NPAS3: variants seen among roughly 807,000 people sequenced by gnomAD.
NPAS3 encodes the protein neuronal PAS domain-containing protein 3.
NPAS3 carries 14 observed loss-of-function variants against 73.1 expected under a neutral mutation model. The observed-to-expected ratio is 0.19, with a 90% CI of 0.13 to 0.30. The LOEUF is 0.30. NPAS3 is among the 10% of genes least tolerant of loss of function. The pLI, the probability that NPAS3 is intolerant of heterozygous loss-of-function variation, is 1.00. For missense variants in NPAS3, 1,096 were observed against 1,250.0 expected (o/e 0.88, Z 1.86); for synonymous variants, 620 against 541.5 (o/e 1.14, Z -2.01).
At chr14:33,074,177 G>A (rs2041579771) in intron 2 of NPAS3, among the ~76,000 whole-genome samples, 1 of 152,150 alleles carries the variant, frequency 6.6e-6, no homozygotes, top group Admixed American at 6.5e-5. Context: ...GCTGGAATAG[G>A]CAGCCAGAAA....
chr14:33,235,595 C>T (rs1263907584), intron 3 of NPAS3, among the ~76,000 whole-genome samples: 8 of 151,978 alleles, frequency 5.3e-5, no homozygotes, highest in Middle Eastern at 3.4e-3. Context: ...TATACAGGTG[C>T]ACATATATAC....
intron 3 of NPAS3, among the ~76,000 whole-genome samples, chr14:33,232,077 G>A (rs1013806221): frequency 6.6e-6 from 1 of 152,060 alleles, no homozygotes; most frequent in Non-Finnish European, 1.5e-5. Context: ...GCACATTCTA[G>A]CCAGAACCCC....
At chr14:33,680,146 C>T (rs1331267529) in intron 6 of NPAS3, among the ~76,000 whole-genome samples, 3 of 152,134 alleles carry the variant, frequency 2.0e-5, no homozygotes, top group Non-Finnish European at 4.4e-5. Flanking sequence ...TTCATTATTA[C>T]TCTTAATGAT....
chr14:33,780,552 A>G (rs1419293190), intron 9 of NPAS3: 8 of 426,586 alleles, frequency 1.9e-5, no homozygotes, highest in East Asian at 7.0e-5. Flanking sequence ...GCTGACAAAA[A>G]AAAAAGAACT....
At chr14:33,333,422 A>G (rs909830974) in intron 3 of NPAS3, among the ~76,000 whole-genome samples, 3 of 152,168 alleles carry the variant, frequency 2.0e-5, no homozygotes, top group Non-Finnish European at 4.4e-5. Flanking sequence ...ACTTTTACCT[A>G]TATTGTTATA....
intron 5 of NPAS3, among the ~76,000 whole-genome samples, chr14:33,600,337 GCT>G (rs2057363894): frequency 6.6e-6 from 1 of 152,172 alleles, no homozygotes. Flanking sequence ...CTGTAAGTCT[GCT>G]TAGAATCTGA....
At chr14:32,990,491 A>G (rs974528904) in intron 1 of NPAS3, among the ~76,000 whole-genome samples, 3 of 152,208 alleles carry the variant, frequency 2.0e-5, no homozygotes, top group Non-Finnish European at 2.9e-5. Context: ...TGCTACCATT[A>G]TTCCTCCTTC....
intron 7 of NPAS3, among the ~76,000 whole-genome samples, chr14:33,766,633 A>C (rs368428159): frequency 4.0e-5 from 6 of 151,452 alleles, no homozygotes; most frequent in Middle Eastern, 3.4e-3. Flanking sequence ...TAAGTGCTGA[A>C]TCTTACTCCC....
chr14:33,665,102 C>T lies in NPAS3; in HGVS notation c.559-11109C>T, dbSNP rs146899065. On this transcript the variant is annotated intron_variant, in intron 5 of 11. Transcript: ENST00000356141. Reference sequence around the variant, plus strand: ...GTTCACAATAGCAAAGACTTGGAACCATCCCAGATGCCCATCGATGATAGG... The same window carrying T: ...GTTCACAATAGCAAAGACTTGGAACTATCCCAGATGCCCATCGATGATAGG... 3.2e-3 allele frequency among the ~76,000 whole-genome samples: 489 copies of T among 152,338 alleles called. 4 individuals carry two copies. The highest frequency in any genetic ancestry group is 0.011 in the African/African-American group (475 of 41,574).
At chr14:33,296,732 A>G (rs1467251676) in intron 3 of NPAS3, among the ~76,000 whole-genome samples, 1 of 152,220 alleles carries the variant, frequency 6.6e-6, no homozygotes, top group Non-Finnish European at 1.5e-5. Flanking sequence ...TGGTTCACGT[A>G]GAAGCAGAAG....
intron 3 of NPAS3, among the ~76,000 whole-genome samples, chr14:33,236,615 G>T (rs1020627492): frequency 6.6e-6 from 1 of 152,098 alleles, no homozygotes. Flanking sequence ...GGATGTTAGT[G>T]CATTTTCTCA....
intron 2 of NPAS3, among the ~76,000 whole-genome samples, chr14:33,197,743 T>C (rs2046425631): frequency 6.6e-6 from 1 of 152,210 alleles, no homozygotes; most frequent in Non-Finnish European, 1.5e-5. Flanking sequence ...ATTTAACATT[T>C]CACCTTAAGT....
intron 6 of NPAS3, among the ~76,000 whole-genome samples, chr14:33,701,528 T>C (rs1271933127): frequency 6.6e-6 from 1 of 152,332 alleles, no homozygotes; most frequent in African/African-American, 2.4e-5. Flanking sequence ...TTCAGTAGAA[T>C]CCTTCATTAG....
chr14:32,999,722 G>A (rs1285470171), intron 1 of NPAS3, among the ~76,000 whole-genome samples: 1 of 151,930 alleles, frequency 6.6e-6, no homozygotes, highest in East Asian at 1.9e-4. Context: ...ATATAGCCCG[G>A]GGAAAAATCT....
At chr14:32,956,729 A>G (rs1396253335) in intron 1 of NPAS3, among the ~76,000 whole-genome samples, 1 of 152,194 alleles carries the variant, frequency 6.6e-6, no homozygotes, top group African/African-American at 2.4e-5. Flanking sequence ...TTGGAATAAA[A>G]TTTAAATACC....
chr14:33,511,200 A>T (rs2053034669), intron 4 of NPAS3, among the ~76,000 whole-genome samples: 1 of 152,090 alleles, frequency 6.6e-6, no homozygotes, highest in African/African-American at 2.4e-5. Flanking sequence ...ACAGTTGTGA[A>T]TTCAACAGAC....
intron 7 of NPAS3, among the ~76,000 whole-genome samples, chr14:33,772,107 A>C (rs577529602): frequency 6.6e-6 from 1 of 152,282 alleles, no homozygotes; most frequent in East Asian, 1.9e-4. Context: ...CTTTTGAAAA[A>C]CACCAAATTA....
intron 4 of NPAS3, among the ~76,000 whole-genome samples, chr14:33,452,655 G>C (rs1667608227): frequency 6.6e-6 from 1 of 151,740 alleles, no homozygotes; most frequent in South Asian, 2.1e-4. Flanking sequence ...GGTGCCTGTA[G>C]TCCCAACTAC....
At chr14:33,505,570 T>C (rs1378759143) in intron 4 of NPAS3, among the ~76,000 whole-genome samples, 3 of 152,018 alleles carry the variant, frequency 2.0e-5, no homozygotes, top group East Asian at 1.9e-4. Flanking sequence ...GGAATTTTGG[T>C]ATATGGGTTA....
Sources: allele counts gnomAD v4.1 joint callset (sites outside exome capture counted in the v4.1 genomes callset), GRCh38; gene constraint gnomAD v4.1.1; transcripts MANE v1.5; gene names NCBI Gene and HGNC (gene_info 2026-07-23, HGNC 2026-07-21).